Variants in DOCK7 observed in about 807,000 individuals in gnomAD.
DOCK7 encodes dedicator of cytokinesis protein 7.
In DOCK7, 138 loss-of-function variants were observed where a neutral mutation model predicts 271.0. The ratio of observed to expected loss-of-function variants is 0.51; its 90% confidence interval spans 0.44 to 0.59. The LOEUF is 0.59. Ranked by LOEUF, DOCK7 falls within the 20% of genes least tolerant of loss-of-function variation. DOCK7 has a pLI of 0.00. For missense variants in DOCK7, 2,066 were observed against 2,592.4 expected, an observed-to-expected ratio of 0.80 and a Z score of 4.41; for synonymous variants, 823 against 876.1, an observed-to-expected ratio of 0.94 and a Z score of 1.07.
chr1:62,680,743 T>C (rs955844027), intron 1 of DOCK7, among the ~76,000 whole-genome samples: 6 of 151,658 alleles, frequency 4.0e-5, no homozygotes, highest in Non-Finnish European at 4.4e-5. Flanking sequence ...CAGACACTTC[T>C]CAAAAGAAGA....
At chr1:62,629,486 A>G (rs1015376670) in intron 11 of DOCK7, 3 of 152,206 alleles carry the variant, frequency 2.0e-5, no homozygotes, top group Admixed American at 2.0e-4. Flanking sequence ...ACAAAAGACT[A>G]CATATTATAC....
chr1:62,663,663 G>A (rs1047732604), intron 1 of DOCK7, among the ~76,000 whole-genome samples: 1 of 152,142 alleles, frequency 6.6e-6, no homozygotes, highest in Non-Finnish European at 1.5e-5. Flanking sequence ...TTTCCTAAAA[G>A]TATCTAGATT....
At chr1:62,529,478 A>T in intron 29 of DOCK7, 32 bp from the exon 30 acceptor site, 1 of 1,551,826 alleles carries the variant, frequency 6.4e-7, no homozygotes, top group Non-Finnish European at 8.8e-7. Flanking sequence ...AAGAAGAAAA[A>T]GCAGTAAGGC....
chr1:62,637,977 C>G (rs1655486082), intron 7 of DOCK7, among the ~76,000 whole-genome samples: 1 of 152,146 alleles, frequency 6.6e-6, no homozygotes, highest in Non-Finnish European at 1.5e-5. Flanking sequence ...GAAAAGAGAT[C>G]TTGGTGATCC....
intron 33 of DOCK7, among the ~76,000 whole-genome samples, chr1:62,511,827 C>T (rs1644494654): frequency 6.6e-6 from 1 of 151,898 alleles, no homozygotes; most frequent in Admixed American, 6.6e-5. Context: ...CTATCATTTA[C>T]ATTTTTTCCC....
chr1:62,507,874 G>T, intron 35 of DOCK7, 88 bp downstream of exon 35: 1 of 1,175,264 alleles, frequency 8.5e-7, no homozygotes, highest in Non-Finnish European at 1.2e-6. Context: ...TTAATAAAAT[G>T]TAATTTTATG....
At chr1:62,532,860 A>T (rs1645220081) in intron 29 of DOCK7, among the ~76,000 whole-genome samples, 1 of 152,218 alleles carries the variant, frequency 6.6e-6, no homozygotes, top group African/African-American at 2.4e-5. Context: ...AGATCTTAGT[A>T]TATGAGGAGG....
rs148698903 is a variant in DOCK7 at position 62,604,129 on chromosome 1, G to A, written c.1682+14577C>T. Reference sequence around the variant, plus strand: ...CCAACTATACGCTACATCTAGTTGCGATTACTGGCAATGTCCCCAATGCAA... The same window carrying A: ...CCAACTATACGCTACATCTAGTTGCAATTACTGGCAATGTCCCCAATGCAA... On this transcript the variant is annotated intron_variant, in intron 14 of 49. Coordinates refer to ENST00000635253, the MANE Select transcript of DOCK7 (RefSeq NM_001367561.1). The A allele has an allele frequency of 2.5e-6, 4 of 1,613,150 alleles. No homozygotes were observed. The highest frequency in any genetic ancestry group is 1.7e-5 in the Admixed American group (1 of 59,904).
At chr1:62,505,654 A>AC (rs1646916001) in intron 36 of DOCK7, 28 bp downstream of exon 36, 1 of 1,584,332 alleles carries the variant, frequency 6.3e-7, no homozygotes, top group East Asian at 2.2e-5. Flanking sequence ...ACAAAGTCTG[A>AC]CAACACTGCA....
intron 7 of DOCK7, among the ~76,000 whole-genome samples, chr1:62,642,280 T>C (rs527495596): frequency 5.3e-5 from 8 of 152,172 alleles, no homozygotes; most frequent in African/African-American, 1.9e-4. Context: ...GGCTAATTTT[T>C]TGTATTTTTA....
At chr1:62,662,004 T>A (rs1557874763) in intron 2 of DOCK7, among the ~76,000 whole-genome samples, 1 of 152,212 alleles carries the variant, frequency 6.6e-6, no homozygotes, top group Non-Finnish European at 1.5e-5. Flanking sequence ...TAATTAAAAG[T>A]AAACTTTATG....
chr1:62,604,629 T>G, intron 14 of DOCK7: 1 of 1,612,872 alleles, frequency 6.2e-7, no homozygotes, highest in Non-Finnish European at 8.5e-7. Flanking sequence ...TCTATCTCCT[T>G]TAGGAGGCTG....
intron 14 of DOCK7, among the ~76,000 whole-genome samples, chr1:62,606,419 C>T (rs532520099): frequency 6.6e-6 from 1 of 151,602 alleles, no homozygotes; most frequent in Admixed American, 6.6e-5. Context: ...CAGAAAGATA[C>T]TTCTGGTAGA....
chr1:62,667,039 G>A (rs779297029), intron 1 of DOCK7, among the ~76,000 whole-genome samples: 1 of 152,156 alleles, frequency 6.6e-6, no homozygotes, highest in Non-Finnish European at 1.5e-5. Flanking sequence ...CCCACATTCC[G>A]AGAGAAAATT....
chr1:62,525,713 A>C (rs879585160), intron 31 of DOCK7, among the ~76,000 whole-genome samples: 7 of 152,178 alleles, frequency 4.6e-5, no homozygotes, highest in African/African-American at 7.2e-5. Flanking sequence ...CATTTTGTAC[A>C]TGCACTTTAT....
At chr1:62,524,992 G>A (rs1286080493) in intron 31 of DOCK7, among the ~76,000 whole-genome samples, 1 of 136,346 alleles carries the variant, frequency 7.3e-6, no homozygotes, top group African/African-American at 2.9e-5. Context: ...TGCAAACTTA[G>A]ACGGTAAAAC....
intron 14 of DOCK7, chr1:62,598,179 C>G (rs1481645813): frequency 7.0e-6 from 7 of 1,000,024 alleles, no homozygotes; most frequent in Non-Finnish European, 9.6e-6. Flanking sequence ...ACTTTTTTTT[C>G]CAAGAAAAAT....
At chr1:62,661,257 A>G (rs1658627559) in intron 2 of DOCK7, among the ~76,000 whole-genome samples, 1 of 152,196 alleles carries the variant, frequency 6.6e-6, no homozygotes, top group African/African-American at 2.4e-5. Context: ...AGAATATATT[A>G]TCAGGAGTTG....
chr1:62,494,095 A>G (rs538915472), intron 40 of DOCK7, among the ~76,000 whole-genome samples, 180 bp downstream of exon 40: 1 of 152,350 alleles, frequency 6.6e-6, no homozygotes, highest in Admixed American at 6.5e-5. Context: ...AGAATCAACA[A>G]GAAGTACTCC....
Sources: allele counts gnomAD v4.1 joint callset (sites outside exome capture counted in the v4.1 genomes callset), GRCh38; gene constraint gnomAD v4.1.1; transcripts MANE v1.5; gene names NCBI Gene and HGNC (gene_info 2026-07-23, HGNC 2026-07-21).